The following KIF1A variants were observed in gnomAD, a reference collection of about 807,000 sequenced individuals.
KIF1A encodes the protein kinesin-like protein KIF1A.
Under a neutral mutation model 227.3 loss-of-function variants are expected in KIF1A, and 46 were observed. The ratio of observed to expected loss-of-function variants is 0.20; its 90% confidence interval spans 0.16 to 0.26. KIF1A has a LOEUF of 0.26. KIF1A is among the 10% of genes least tolerant of loss of function. The pLI is 1.00. For synonymous variants in KIF1A, 1,022 were observed against 1,012.8 expected (o/e 1.01, Z -0.17); for missense variants, 1,683 against 2,485.9 (o/e 0.68, Z 6.87).
chr2:240,820,517 G>A (rs1394763051), upstream of KIF1A, among the ~76,000 whole-genome samples: 1 of 151,688 alleles, frequency 6.6e-6, no homozygotes, highest in Non-Finnish European at 1.5e-5. The surrounding 1 kb of genome is among the most constrained non-coding windows in gnomAD (Gnocchi z 6.2). Context: ...TCGCGGGGGA[G>A]GGACCCGGCG....
At chr2:240,782,305 G>T in intron 10 of KIF1A, 1 of 724,874 alleles carries the variant, frequency 1.4e-6, no homozygotes, top group Non-Finnish European at 1.7e-6. Flanking sequence ...CTCCTCCCAG[G>T]GCCCCCACGC....
chr2:240,763,719 A>C (rs983117656), intron 20 of KIF1A, among the ~76,000 whole-genome samples: 1 of 152,122 alleles, frequency 6.6e-6, no homozygotes, highest in Non-Finnish European at 1.5e-5. Flanking sequence ...CGGTGCCCCC[A>C]GAGCTGGACT....
rs762614492 is a variant in KIF1A at position 240,789,339 on chromosome 2, C to T, written c.107-27G>A. On this transcript the variant is annotated intron_variant, in intron 2 of 48. Coordinates refer to ENST00000498729, the MANE Select transcript of KIF1A (RefSeq NM_001244008.2). This position sits in a 1 kb window ranked among gnomAD's most constrained non-coding sequence, Gnocchi z 4.8. ...TGTGGGAGGGAACACAGGTGGTTAGCGCTGTGCTGGGAGGGCCCCTGACTA... is the reference window on the plus strand; with the variant it reads ...TGTGGGAGGGAACACAGGTGGTTAGTGCTGTGCTGGGAGGGCCCCTGACTA... The T allele has an allele frequency of 1.4e-5, 22 of 1,592,486 alleles. No individual in the cohort carries two copies. Among genetic ancestry groups the T allele is most frequent in the Admixed American group, 1.3e-4 (8 of 59,962 alleles).
intron 29 of KIF1A, among the ~76,000 whole-genome samples, chr2:240,746,930 G>C (rs2048670158): frequency 6.6e-6 from 1 of 152,336 alleles, no homozygotes; most frequent in East Asian, 1.9e-4. Flanking sequence ...GAGACAGGGT[G>C]GGGGTGGCTG....
chr2:240,812,266 G>A (rs377597737), intron 1 of KIF1A, among the ~76,000 whole-genome samples: 2 of 152,220 alleles, frequency 1.3e-5, no homozygotes, highest in Non-Finnish European at 2.9e-5. Flanking sequence ...GGGGCTGGGG[G>A]TGGCACCAAG....
chr2:240,766,872 C>T lies in KIF1A; in HGVS notation c.1684+43G>A, dbSNP rs1295375059. ...CCTCATTCAGGCCTGATCATCACGG[C>T]ACAGGGGCATGGGTGCGGGTAGGGA... is the stretch of plus-strand genomic sequence containing the variant. On this transcript the variant is annotated intron_variant, in intron 19 of 48. Coordinates refer to ENST00000498729, the MANE Select transcript of KIF1A (RefSeq NM_001244008.2). The surrounding 1 kb of genome is among the most constrained non-coding windows in gnomAD (Gnocchi z 5.0). 7.1e-7 allele frequency: 1 copy of T among 1,402,292 alleles called. No homozygotes were observed. Among genetic ancestry groups the T allele is most frequent in the Admixed American group, 1.9e-5 (1 of 52,632 alleles). The allele number at this position is 1,402,292 out of a possible 1,614,324, so 86.9% of individuals were successfully genotyped here.
At chr2:240,776,735 C>A (rs930471693) in intron 10 of KIF1A, among the ~76,000 whole-genome samples, 3 of 152,226 alleles carry the variant, frequency 2.0e-5, no homozygotes, top group African/African-American at 7.2e-5. Context: ...CAGATGAGGC[C>A]TCTGACCCTG....
chr2:240,756,317 T>C (rs1414855443), intron 27 of KIF1A, among the ~76,000 whole-genome samples: 1 of 152,178 alleles, frequency 6.6e-6, no homozygotes, highest in Non-Finnish European at 1.5e-5. Context: ...ATATGTAAAA[T>C]ATATAAATTC....
chr2:240,774,857 AC>A (rs1327746622), intron 11 of KIF1A, among the ~76,000 whole-genome samples: 1 of 152,076 alleles, frequency 6.6e-6, no homozygotes, highest in East Asian at 1.9e-4. Flanking sequence ...TCAAGTCTGG[AC>A]AGATGATCTT....
Position 240,725,412 on chromosome 2 carries a change from A to G in KIF1A, c.4123-8T>C. On this transcript the variant is annotated splice_region_variant and splice_polypyrimidine_tract_variant and intron_variant, in intron 39 of 48. Coordinates refer to ENST00000498729, the MANE Select transcript of KIF1A (RefSeq NM_001244008.2). This position sits in a 1 kb window ranked among gnomAD's most constrained non-coding sequence, Gnocchi z 5.8. ...CTGGGTGCAGTTCTCCATCTGAGAT[A>G]GGCGGGAGCAGGACTCAGGCACAAG... 1 of 1,611,700 alleles carries G rather than the reference A, an allele frequency of 6.2e-7. No individual in the cohort carries two copies. The highest frequency in any genetic ancestry group is 8.5e-7 in the Non-Finnish European group (1 of 1,179,466).
chr2:240,731,458 G>A (rs953332778), intron 38 of KIF1A, among the ~76,000 whole-genome samples: 6 of 152,198 alleles, frequency 3.9e-5, no homozygotes, highest in Non-Finnish European at 7.4e-5. Context: ...CTGGTGCCCC[G>A]ACCGCATGCC....
At chr2:240,737,915 C>T (rs975944885) in intron 37 of KIF1A, among the ~76,000 whole-genome samples, 5 of 152,232 alleles carry the variant, frequency 3.3e-5, no homozygotes, top group Non-Finnish European at 1.5e-5. Flanking sequence ...ACCCAGGACA[C>T]GCTAGGATTT....
chr2:240,719,120 C>T lies in KIF1A; in HGVS notation c.5100G>A (p.Val1700=), dbSNP rs745573640. Residue 1700 remains valine, a synonymous_variant, in exon 47 of 49, where the codon GTG becomes GTA. Coordinates refer to ENST00000498729, the MANE Select transcript of KIF1A (RefSeq NM_001244008.2). ...TSGWARRFVV[V]RRPYAYMYNS... ...TGTACATGTAGGCATAGGGGCGCCG[C>T]ACCACCACGAAGCGCCTGGCCCAGC... The T allele has an allele frequency of 3.1e-6, 5 of 1,612,620 alleles. No individual in the cohort carries two copies. In the South Asian group the frequency reaches 4.4e-5, roughly 14 times the overall value.
At chr2:240,804,318 G>A (rs1365831561) in intron 1 of KIF1A, among the ~76,000 whole-genome samples, 1 of 152,216 alleles carries the variant, frequency 6.6e-6, no homozygotes, top group African/African-American at 2.4e-5. Context: ...CAAAAGGGCT[G>A]AATGGAAGCT....
In KIF1A at chr2:240,788,264, G is replaced by T; in HGVS notation, c.184-34C>A. On this transcript the variant is annotated intron_variant, in intron 3 of 48. Coordinates refer to ENST00000498729, the MANE Select transcript of KIF1A (RefSeq NM_001244008.2). The surrounding 1 kb of genome is among the most constrained non-coding windows in gnomAD (Gnocchi z 6.6). ...CGAGGAAGGAATGAAGTTGCAGGAG[G>T]CTGGGTGCATCCGAGGCTCAGCCCA... is the stretch of plus-strand genomic sequence containing the variant. 1 of 1,603,774 alleles carries T rather than the reference G, an allele frequency of 6.2e-7. No homozygotes were observed. Among genetic ancestry groups the T allele is most frequent in the East Asian group, 2.2e-5 (1 of 44,764 alleles).
At position 240,740,433 on chromosome 2, in the gene KIF1A, C is replaced by T; in HGVS notation, c.3750-69G>A. ...TCTGCCCTCCCCGCAGCACAGGACA[C>T]AGTGGACGGGAGCAAAAACAGGGAA... On this transcript the variant is annotated intron_variant, in intron 35 of 48. Transcript: ENST00000498729. This position sits in a 1 kb window ranked among gnomAD's most constrained non-coding sequence, Gnocchi z 6.1. The T allele has an allele frequency of 7.4e-7, 1 of 1,356,848 alleles. No individual in the cohort carries two copies. Among genetic ancestry groups the T allele is most frequent in the Non-Finnish European group, 1.1e-6 (1 of 951,944 alleles). 84.1% of individuals were successfully genotyped at this position (1,356,848 alleles called of 1,614,324 possible).
Position 240,719,170 on chromosome 2 carries a change from G to A in KIF1A, c.5050C>T (p.His1684Tyr). The change falls in exon 47 of 49, where the codon CAC (histidine) becomes TAC (tyrosine). Residue 1684 changes from histidine to tyrosine, a missense_variant. Physicochemically the swap from His to Tyr is moderately conservative, Grantham distance 83 (BLOSUM62 2). Around this residue, in one of 12 missense-constraint regions of KIF1A, gnomAD observed 384 missense variants for 410.1 expected, o/e 0.94. Transcript: ENST00000498729. ...SPIVSKKGYL[H>Y]FLEPHTSGWA... ...CCTGACGTGTGCGGCTCCAGGAAGT[G>A]CAGGTACCCCTTCTTGGAAACGATC... is the stretch of plus-strand genomic sequence containing the variant. 1 of 1,608,892 alleles carries A rather than the reference G, an allele frequency of 6.2e-7. No homozygotes were observed. Among genetic ancestry groups the A allele is most frequent in the East Asian group, 2.2e-5 (1 of 44,706 alleles).
intron 2 of KIF1A, among the ~76,000 whole-genome samples, chr2:240,791,255 A>G (rs894099940): frequency 1.4e-4 from 21 of 152,134 alleles, no homozygotes; most frequent in African/African-American, 5.1e-4. Context: ...CCAGAACCCT[A>G]GCACGATCAA....
intron 27 of KIF1A, among the ~76,000 whole-genome samples, chr2:240,751,375 G>C (rs536599692): frequency 1.3e-5 from 2 of 152,308 alleles, no homozygotes; most frequent in South Asian, 4.1e-4. Context: ...GCATGGGAAA[G>C]GGCCGTGCCT....
Sources: gnomAD v4.1 joint callset for allele counts (sites outside exome capture counted in the v4.1 genomes callset) on GRCh38, gnomAD v4.1.1 for gene constraint, gnomAD v4.1.1 regional missense constraint, Gnocchi (gnomAD v3.1) non-coding constraint, MANE v1.5 for transcripts, NCBI Gene and HGNC (gene_info 2026-07-23, HGNC 2026-07-21) for gene names.